The following CNTN6 variants were observed in gnomAD, a reference collection of about 807,000 sequenced individuals.
The protein encoded by CNTN6 is contactin 6.
CNTN6 carries 137 observed loss-of-function variants against 122.8 expected under a neutral mutation model. The ratio of observed to expected loss-of-function variants is 1.12; its 90% CI spans 0.97 to 1.29. The LOEUF is 1.29. Among genes scored for constraint, CNTN6 ranks in the 50% most tolerant of loss-of-function variants. CNTN6 has a pLI of 0.00. For synonymous variants in CNTN6, 570 were observed against 426.0 expected (o/e 1.34, Z -4.16); for missense variants, 1,634 against 1,223.4 (o/e 1.34, Z -5.01).
chr3:1,387,134 G>A (rs1444834407), intron 20 of CNTN6, among the ~76,000 whole-genome samples: 1 of 151,062 alleles, frequency 6.6e-6, no homozygotes, highest in Non-Finnish European at 1.5e-5. Context: ...AATTATCTCT[G>A]TCCTCACTCC....
At chr3:1,132,516 G>A (rs777864541) in intron 1 of CNTN6, among the ~76,000 whole-genome samples, 25 of 151,922 alleles carry the variant, frequency 1.6e-4, no homozygotes, top group Non-Finnish European at 3.5e-4. Flanking sequence ...TTTGAGACAA[G>A]GAGTTTGAGA....
chr3:1,246,618 A>G (rs1408401130), intron 4 of CNTN6, among the ~76,000 whole-genome samples: 4 of 152,178 alleles, frequency 2.6e-5, no homozygotes, highest in East Asian at 3.9e-4. Context: ...ATTGTTGTCT[A>G]TAGTGATTTT....
chr3:1,295,867 C>G, intron 6 of CNTN6, 63 bp downstream of exon 6: 1 of 1,447,296 alleles, frequency 6.9e-7, no homozygotes. Flanking sequence ...TGGGAAGATT[C>G]GTAAAGCTTT....
At chr3:1,346,359 G>A (rs1316366314) in intron 11 of CNTN6, among the ~76,000 whole-genome samples, 8 of 152,044 alleles carry the variant, frequency 5.3e-5, no homozygotes, top group Non-Finnish European at 8.8e-5. Context: ...AGCCTGTTTG[G>A]GCCTTGGGGA....
At chr3:1,191,156 T>A (rs1394178) in intron 2 of CNTN6, among the ~76,000 whole-genome samples, 34,701 of 151,914 alleles carry the variant, frequency 0.23, 4,533 homozygotes, top group African/African-American at 0.35. Flanking sequence ...TCCTAGTATT[T>A]GTTTTTTGTC....
chr3:1,177,806 A>T (rs1391335603), intron 2 of CNTN6, among the ~76,000 whole-genome samples: 1 of 151,410 alleles, frequency 6.6e-6, no homozygotes, highest in African/African-American at 2.4e-5. Context: ...TTTATTGGTA[A>T]GATTTTCTGT....
intron 17 of CNTN6, among the ~76,000 whole-genome samples, chr3:1,379,638 T>C (rs1246483811): frequency 6.6e-6 from 1 of 152,098 alleles, no homozygotes; most frequent in African/African-American, 2.4e-5. Context: ...TAACCCCTAT[T>C]TTTAAAAATT....
chr3:1,385,933 T>A, intron 20 of CNTN6, 136 bp downstream of exon 20: 1 of 761,780 alleles, frequency 1.3e-6, no homozygotes, highest in Non-Finnish European at 2.1e-6. Context: ...GTCCCTTAAA[T>A]ATGGATACTT....
chr3:1,338,821 T>C (rs1703469613), intron 11 of CNTN6, among the ~76,000 whole-genome samples: 1 of 152,200 alleles, frequency 6.6e-6, no homozygotes. Flanking sequence ...GGTTACTTGA[T>C]AAATTTTAAA....
At chr3:1,336,750 T>G (rs1447236403) in intron 11 of CNTN6, among the ~76,000 whole-genome samples, 2 of 152,134 alleles carry the variant, frequency 1.3e-5, no homozygotes, top group African/African-American at 4.8e-5. Flanking sequence ...AAGCGGTGCT[T>G]CTTCAATATT....
intron 1 of CNTN6, among the ~76,000 whole-genome samples, chr3:1,141,880 C>T (rs2092615837): frequency 6.6e-6 from 1 of 152,132 alleles, no homozygotes; most frequent in African/African-American, 2.4e-5. Flanking sequence ...TATTACAGAG[C>T]TATGCATGCA....
At chr3:1,322,799 T>C (rs1456399135) in intron 8 of CNTN6, among the ~76,000 whole-genome samples, 1 of 151,578 alleles carries the variant, frequency 6.6e-6, no homozygotes, top group Non-Finnish European at 1.5e-5. Context: ...CTGCAATGAA[T>C]ACTACTATTT....
chr3:1,138,609 A>T (rs2092539780), intron 1 of CNTN6, among the ~76,000 whole-genome samples: 1 of 152,054 alleles, frequency 6.6e-6, no homozygotes, highest in South Asian at 2.1e-4. Flanking sequence ...AATACATTAA[A>T]AAAGGGTTTT....
intron 11 of CNTN6, among the ~76,000 whole-genome samples, chr3:1,344,020 G>A (rs1704279083): frequency 6.6e-6 from 1 of 152,166 alleles, no homozygotes; most frequent in Non-Finnish European, 1.5e-5. Flanking sequence ...TAATGACTCA[G>A]TAGAAAAAAC....
intron 1 of CNTN6, among the ~76,000 whole-genome samples, chr3:1,116,822 A>T (rs940346263): frequency 1.3e-5 from 2 of 149,580 alleles, no homozygotes; most frequent in Non-Finnish European, 2.9e-5. Flanking sequence ...CTCATAACTC[A>T]GTCTCCCGAG....
intron 11 of CNTN6, among the ~76,000 whole-genome samples, chr3:1,337,895 C>A (rs1048180260): frequency 6.6e-6 from 1 of 152,092 alleles, no homozygotes; most frequent in Admixed American, 6.6e-5. Flanking sequence ...CTCTTGCCAT[C>A]CAATTCCCCT....
chr3:1,250,673 A>G (rs1217078339), intron 4 of CNTN6, among the ~76,000 whole-genome samples: 2 of 152,020 alleles, frequency 1.3e-5, no homozygotes, highest in African/African-American at 2.4e-5. Context: ...CCACTTCCCA[A>G]TCCTCCGCAG....
At chr3:1,184,476 C>T (rs1260237148) in intron 2 of CNTN6, among the ~76,000 whole-genome samples, 1 of 152,094 alleles carries the variant, frequency 6.6e-6, no homozygotes, top group Non-Finnish European at 1.5e-5. Flanking sequence ...GAAGACTGTT[C>T]TTTGAGATTA....
chr3:1,164,562 T>C, intron 2 of CNTN6, among the ~76,000 whole-genome samples: 1 of 152,246 alleles, frequency 6.6e-6, no homozygotes, highest in East Asian at 1.9e-4. Flanking sequence ...ATACTTTGGT[T>C]TTTCCTATGA....
Sources: gnomAD v4.1 joint callset for allele counts (sites outside exome capture counted in the v4.1 genomes callset) on GRCh38, gnomAD v4.1.1 for gene constraint, MANE v1.5 for transcripts, NCBI Gene and HGNC (gene_info 2026-07-23, HGNC 2026-07-21) for gene names.